The following GPR137B variants were observed in gnomAD, a reference collection of about 807,000 sequenced individuals.
GPR137B encodes the protein integral membrane protein GPR137B.
In GPR137B, 42 loss-of-function variants were observed where a neutral mutation model predicts 42.5. The ratio of observed to expected loss-of-function variants is 0.99; its 90% CI spans 0.77 to 1.28. The LOEUF (loss-of-function observed/expected upper bound fraction) is 1.28. GPR137B is among the 50% of genes most tolerant of loss of function. GPR137B has a pLI of 0.00. For missense variants in GPR137B, 487 were observed against 493.9 expected (o/e 0.99, Z 0.13); for synonymous variants, 218 against 209.7 (o/e 1.04, Z -0.34).
intron 2 of GPR137B, among the ~76,000 whole-genome samples, chr1:236,170,619 C>T (rs1662506649): frequency 6.6e-6 from 1 of 152,138 alleles, no homozygotes; most frequent in South Asian, 2.1e-4. Flanking sequence ...TTGAGTGTCC[C>T]TAATCTGAAA....
At chr1:236,151,569 G>A (rs1661866310) in intron 1 of GPR137B, among the ~76,000 whole-genome samples, 1 of 151,798 alleles carries the variant, frequency 6.6e-6, no homozygotes, top group Non-Finnish European at 1.5e-5. Context: ...GACTACAGGT[G>A]CCCGCCACCA....
chr1:236,206,600 G>A (rs1413673386), intron 6 of GPR137B, among the ~76,000 whole-genome samples: 1 of 152,172 alleles, frequency 6.6e-6, no homozygotes, highest in African/African-American at 2.4e-5. Flanking sequence ...AATCTTCAGT[G>A]AATTGGGAAG....
At position 236,207,391 on chromosome 1, in the gene GPR137B, G is replaced by T; in HGVS notation, c.1092-659G>T. On this transcript the variant is annotated intron_variant, in intron 6 of 6. Coordinates refer to ENST00000366592, the MANE Select transcript of GPR137B (RefSeq NM_003272.4). ...TCTTCCTTAAAACTGTTCTTTTCCA[G>T]TTACCCCACTGCATCTCCTATTAGT... The T allele has an allele frequency of 1.7e-5, 7 of 413,732 alleles. 1 individual carries two copies. Among genetic ancestry groups the T allele is most frequent in the Non-Finnish European group, 2.3e-5 (7 of 308,136 alleles). 25.6% of individuals were successfully genotyped at this position (413,732 alleles called of 1,614,324 possible).
At position 236,157,226 on chromosome 1, in the gene GPR137B, CTTTTT is replaced by C. The variant is rs35627938; in HGVS notation, c.415-11468_415-11464del. Among the ~76,000 whole-genome samples, 3 of 139,084 alleles carry C rather than the reference CTTTTT, an allele frequency of 2.2e-5. No homozygotes were observed. In the East Asian group the frequency reaches 6.4e-4, roughly 29 times the overall value. 91.2% of individuals were successfully genotyped at this position (139,084 alleles called of 152,430 possible). ...AGGTAAGCCAGCTCCAGATTCCACACTTTTTTTTTTTTTTTTGAGACGGAGTCCCG... is the reference window on the plus strand; with the variant it reads ...AGGTAAGCCAGCTCCAGATTCCACACTTTTTTTTTTTGAGACGGAGTCCCG... On this transcript the variant is annotated intron_variant, in intron 1 of 6. Transcript: ENST00000366592.
intron 5 of GPR137B, among the ~76,000 whole-genome samples, chr1:236,198,363 C>G (rs900266088): frequency 1.4e-4 from 22 of 152,032 alleles, no homozygotes; most frequent in African/African-American, 5.3e-4. Flanking sequence ...CACCACCACA[C>G]CTGGCTAACT....
chr1:236,200,712 TA>T (rs1275006987), intron 5 of GPR137B, among the ~76,000 whole-genome samples: 1 of 152,024 alleles, frequency 6.6e-6, no homozygotes, highest in Non-Finnish European at 1.5e-5. Context: ...TCCACCCCTT[TA>T]CCTTAAGTTT....
rs73123001 is a variant in GPR137B, at chr1:236,205,973, T to G, written c.1091+723T>G. ...ACATGATATCTTTAATCACATGTTC[T>G]AAAGCTAGAGAGTAAATGCAGTAGT... On this transcript the variant is annotated intron_variant, in intron 6 of 6. Transcript: ENST00000366592. Among the ~76,000 whole-genome samples the G allele has an allele frequency of 1.6e-3, 249 of 152,374 alleles. 1 individual carries two copies. The highest frequency in any genetic ancestry group is 5.7e-3 in the African/African-American group (238 of 41,586).
intron 1 of GPR137B, among the ~76,000 whole-genome samples, chr1:236,152,069 G>C (rs1411213579): frequency 6.6e-6 from 1 of 152,164 alleles, no homozygotes; most frequent in Non-Finnish European, 1.5e-5. Flanking sequence ...ATCCATGCGA[G>C]AGGGCCTCGT....
At chr1:236,196,820 G>GTA (rs1486953752) in intron 5 of GPR137B, among the ~76,000 whole-genome samples, 1 of 152,070 alleles carries the variant, frequency 6.6e-6, no homozygotes, top group Non-Finnish European at 1.5e-5. Flanking sequence ...GTAGTCCATG[G>GTA]TATATATATA....
At chr1:236,207,961 A>T (rs979348589) in intron 6 of GPR137B, 89 bp from the exon 7 acceptor site, 3 of 917,638 alleles carry the variant, frequency 3.3e-6, no homozygotes, top group Admixed American at 2.4e-5. Flanking sequence ...TAGTTTACAC[A>T]AAAATCTCAG....
At chr1:236,176,770 CCTT>C (rs900962514) in intron 2 of GPR137B, among the ~76,000 whole-genome samples, 10 of 152,122 alleles carry the variant, frequency 6.6e-5, no homozygotes, top group Admixed American at 1.3e-4. Context: ...CCCTCTTAAA[CCTT>C]CTTCGTGGAG....
At chr1:236,200,465 A>G (rs1022708620) in intron 5 of GPR137B, among the ~76,000 whole-genome samples, 2 of 151,926 alleles carry the variant, frequency 1.3e-5, no homozygotes, top group Non-Finnish European at 2.9e-5. Context: ...GTACCCCACT[A>G]TGGTGTTGCT....
intron 4 of GPR137B, among the ~76,000 whole-genome samples, chr1:236,182,444 T>TC (rs1472147788): frequency 6.6e-6 from 1 of 152,088 alleles, no homozygotes; most frequent in South Asian, 2.1e-4. Context: ...AATCTTGCTT[T>TC]CACTTAAAAA....
Position 236,150,648 on chromosome 1 carries a change from G to A in GPR137B, c.414+7612G>A, listed in dbSNP as rs1373847692. ...CCTGGACTTCCCCACAGCAGAGGCT[G>A]GGCTGAGGCTGCTGCCGGGTCACCA... is the stretch of plus-strand genomic sequence containing the variant. On this transcript the variant is annotated intron_variant, in intron 1 of 6. Coordinates refer to ENST00000366592, the MANE Select transcript of GPR137B (RefSeq NM_003272.4). This position sits in a 1 kb window ranked among gnomAD's most constrained non-coding sequence, Gnocchi z 6.2. Among the ~76,000 whole-genome samples, 5 of 152,216 alleles carry A rather than the reference G, an allele frequency of 3.3e-5. No individual in the cohort carries two copies. The highest frequency in any genetic ancestry group is 7.3e-5 in the Non-Finnish European group (5 of 68,038).
intron 1 of GPR137B, among the ~76,000 whole-genome samples, chr1:236,147,784 C>T (rs1447173485): frequency 6.6e-6 from 1 of 152,208 alleles, no homozygotes; most frequent in Non-Finnish European, 1.5e-5. Flanking sequence ...GTGTCTTTCT[C>T]CTTTCTGACC....
rs543886339 is a variant in GPR137B at position 236,204,970 on chromosome 1, A to T, written c.967-156A>T. On this transcript the variant is annotated intron_variant, in intron 5 of 6. Coordinates refer to ENST00000366592, the MANE Select transcript of GPR137B (RefSeq NM_003272.4). ...AAGGCAAGGCGAATCCCTCTCAAACATAAGAGTAACTGAAATGAATATTCC... is the reference window on the plus strand; with the variant it reads ...AAGGCAAGGCGAATCCCTCTCAAACTTAAGAGTAACTGAAATGAATATTCC... Among the ~76,000 whole-genome samples the T allele has an allele frequency of 3.3e-5, 5 of 152,354 alleles. No individual in the cohort carries two copies. The South Asian group carries it at 8.3e-4, about 25-fold the overall frequency.
intron 1 of GPR137B, among the ~76,000 whole-genome samples, chr1:236,154,510 G>A (rs1661959528): frequency 6.6e-6 from 1 of 151,764 alleles, no homozygotes; most frequent in South Asian, 2.1e-4. Flanking sequence ...GACAGTGTCA[G>A]GAGCAGACCA....
intron 1 of GPR137B, among the ~76,000 whole-genome samples, chr1:236,154,133 G>C (rs1661945973): frequency 6.6e-6 from 1 of 152,194 alleles, no homozygotes; most frequent in Non-Finnish European, 1.5e-5. Context: ...TGGGCCCCTG[G>C]CTAGTCTTGG....
intron 6 of GPR137B, among the ~76,000 whole-genome samples, chr1:236,205,461 A>ATACAG (rs1191476767): frequency 2.6e-5 from 4 of 152,204 alleles, no homozygotes; most frequent in Non-Finnish European, 4.4e-5. Context: ...GCATTATTGT[A>ATACAG]TACAGTAGTG....
Sources: gnomAD v4.1 joint callset for allele counts (sites outside exome capture counted in the v4.1 genomes callset) on GRCh38, gnomAD v4.1.1 for gene constraint, Gnocchi (gnomAD v3.1) non-coding constraint, MANE v1.5 for transcripts, NCBI Gene and HGNC (gene_info 2026-07-23, HGNC 2026-07-21) for gene names.